The following CDH18 variants were observed in gnomAD, a reference collection of about 807,000 sequenced individuals.
The protein encoded by CDH18 is cadherin-18.
In CDH18, 31 loss-of-function variants were observed where a neutral mutation model predicts 67.9. That is an observed-to-expected ratio of 0.46 (90% CI 0.34 to 0.62). CDH18 has a LOEUF of 0.62. CDH18 is among the 20% of genes least tolerant of loss of function. The pLI, the probability that CDH18 is intolerant of heterozygous loss-of-function variation, is 0.01. For missense variants in CDH18, 890 were observed against 975.5 expected (o/e 0.91, Z 1.17); for synonymous variants, 362 against 347.2 (o/e 1.04, Z -0.48).
At chr5:19,522,983 A>G (rs1315179422) in intron 9 of CDH18, among the ~76,000 whole-genome samples, 2 of 151,990 alleles carry the variant, frequency 1.3e-5, no homozygotes, top group African/African-American at 2.4e-5. Context: ...TCACAGGGAT[A>G]GACAAACAGA....
intron 2 of CDH18, among the ~76,000 whole-genome samples, chr5:20,153,164 G>A (rs930588932): frequency 2.0e-5 from 3 of 151,762 alleles, no homozygotes; most frequent in East Asian, 2.0e-4. Flanking sequence ...GGATTGTCTC[G>A]ATCTCCTGAC....
intron 2 of CDH18, among the ~76,000 whole-genome samples, chr5:20,198,853 G>A (rs1269514718): frequency 6.6e-6 from 1 of 152,166 alleles, no homozygotes; most frequent in Non-Finnish European, 1.5e-5. Flanking sequence ...GGCTAAAAGG[G>A]GCCAAGGTAT....
chr5:19,794,649 T>C (rs1776679216), intron 3 of CDH18, among the ~76,000 whole-genome samples: 1 of 152,132 alleles, frequency 6.6e-6, no homozygotes. Context: ...AACTGACCTA[T>C]AATGTGTGTA....
intron 2 of CDH18, among the ~76,000 whole-genome samples, chr5:20,184,133 A>T (rs1430244736): frequency 6.6e-6 from 1 of 152,094 alleles, no homozygotes; most frequent in Non-Finnish European, 1.5e-5. Context: ...CTGAGGAATG[A>T]CTAATCTAGT....
At chr5:19,873,947 CA>C (rs933821399) in intron 2 of CDH18, among the ~76,000 whole-genome samples, 2 of 151,218 alleles carry the variant, frequency 1.3e-5, no homozygotes, top group African/African-American at 2.4e-5. Flanking sequence ...CGTGCCTGGC[CA>C]AAAAAAATCA....
chr5:20,216,809 T>C (rs897555939), intron 2 of CDH18, among the ~76,000 whole-genome samples: 3 of 151,878 alleles, frequency 2.0e-5, no homozygotes, highest in Non-Finnish European at 4.4e-5. Context: ...CAAATAGTTC[T>C]ATCTCAAGAT....
intron 5 of CDH18, among the ~76,000 whole-genome samples, chr5:19,700,173 A>G (rs990621493): frequency 1.3e-5 from 2 of 152,194 alleles, no homozygotes; most frequent in African/African-American, 4.8e-5. Context: ...ACAATTCTGT[A>G]CAACTTATAC....
At chr5:20,060,554 A>G (rs1360792498) in intron 2 of CDH18, among the ~76,000 whole-genome samples, 1 of 152,224 alleles carries the variant, frequency 6.6e-6, no homozygotes, top group African/African-American at 2.4e-5. Context: ...TGTTTGTGCT[A>G]TAACATTTTT....
chr5:20,339,568 C>T (rs1256456824), intron 1 of CDH18, among the ~76,000 whole-genome samples: 1 of 152,070 alleles, frequency 6.6e-6, no homozygotes, highest in Non-Finnish European at 1.5e-5. Context: ...ATAGGTTCCC[C>T]TGGTCCATCC....
At chr5:19,516,818 T>A (rs1286846006) in intron 10 of CDH18, among the ~76,000 whole-genome samples, 1 of 152,136 alleles carries the variant, frequency 6.6e-6, no homozygotes, top group African/African-American at 2.4e-5. Context: ...GATTCATTGA[T>A]TTTTTGAAGG....
chr5:19,825,982 G>A (rs1423630464), intron 3 of CDH18, among the ~76,000 whole-genome samples: 1 of 152,010 alleles, frequency 6.6e-6, no homozygotes, highest in African/African-American at 2.4e-5. Flanking sequence ...GAAATCTAAG[G>A]AATATAATAA....
At chr5:20,363,458 A>G (rs1023845279) in intron 1 of CDH18, among the ~76,000 whole-genome samples, 2 of 130,728 alleles carry the variant, frequency 1.5e-5, no homozygotes, top group Non-Finnish European at 3.1e-5. Context: ...CCTGGGCAAC[A>G]CAGAGCGAGA....
chr5:20,289,255 C>T (rs2940439), intron 1 of CDH18, among the ~76,000 whole-genome samples: 17,740 of 151,896 alleles, frequency 0.12, 1,568 homozygotes, highest in African/African-American at 0.24. Context: ...CTTATTTCTG[C>T]TTTACAAATG....
chr5:19,999,419 A>G (rs1394712829), intron 2 of CDH18, among the ~76,000 whole-genome samples: 2 of 152,118 alleles, frequency 1.3e-5, no homozygotes, highest in Non-Finnish European at 1.5e-5. Flanking sequence ...CCTGGCCAAC[A>G]TGGTGAAATT....
chr5:20,038,798 C>A (rs576959618), intron 2 of CDH18, among the ~76,000 whole-genome samples: 2 of 152,264 alleles, frequency 1.3e-5, no homozygotes, highest in Non-Finnish European at 2.9e-5. Context: ...CAAGGATGTC[C>A]TCTATCATCA....
intron 2 of CDH18, among the ~76,000 whole-genome samples, chr5:20,023,821 C>T (rs1017138845): frequency 6.6e-6 from 1 of 152,160 alleles, no homozygotes; most frequent in Non-Finnish European, 1.5e-5. Context: ...TAGTCATAAT[C>T]CCGCAGTCAC....
chr5:19,555,375 A>T (rs1289405320), intron 8 of CDH18, among the ~76,000 whole-genome samples: 1 of 152,192 alleles, frequency 6.6e-6, no homozygotes, highest in African/African-American at 2.4e-5. Flanking sequence ...AGTCTGGGGC[A>T]AGTTCTTAGC....
chr5:20,311,280 G>A (rs962477456), intron 1 of CDH18, among the ~76,000 whole-genome samples: 4 of 151,530 alleles, frequency 2.6e-5, no homozygotes, highest in South Asian at 4.2e-4. Flanking sequence ...ATTTGACCCA[G>A]CAATCCCATT....
chr5:20,528,774 G>A lies in CDH18; in HGVS notation c.-580+46688C>T, dbSNP rs551431796. ...AAAAGAGAAATTTATAGCACTAAAT[G>A]TCCACATGAAAAAGCTGGAAAGATC... On this transcript the variant is annotated intron_variant, in intron 1 of 14. Transcript: ENST00000507958. Among the ~76,000 whole-genome samples, 12 of 152,124 alleles carry A rather than the reference G, an allele frequency of 7.9e-5. No individual in the cohort carries two copies. In the South Asian group the frequency reaches 1.9e-3, roughly 24 times the overall value.
Sources: allele counts gnomAD v4.1 joint callset (sites outside exome capture counted in the v4.1 genomes callset), GRCh38; gene constraint gnomAD v4.1.1; transcripts MANE v1.5; gene names NCBI Gene and HGNC (gene_info 2026-07-23, HGNC 2026-07-21).